The following GALNT7 variants were observed in gnomAD, a reference collection of about 807,000 sequenced individuals.
GALNT7 encodes the protein N-acetylgalactosaminyltransferase 7.
In GALNT7, 60 loss-of-function variants were observed where a neutral mutation model predicts 82.1. That is an observed-to-expected ratio of 0.73 (90% CI 0.59 to 0.91). The LOEUF (loss-of-function observed/expected upper bound fraction) is 0.91. Ranked by LOEUF, GALNT7 falls within the 40% of genes least tolerant of loss-of-function variation. The pLI is 0.00. For missense variants in GALNT7, 660 were observed against 804.2 expected, an observed-to-expected ratio of 0.82 and a Z score of 2.17; for synonymous variants, 243 against 275.1, an observed-to-expected ratio of 0.88 and a Z score of 1.15.
At chr4:173,273,972 A>G (rs939755139) in intron 2 of GALNT7, among the ~76,000 whole-genome samples, 2 of 152,182 alleles carry the variant, frequency 1.3e-5, no homozygotes, top group South Asian at 4.1e-4. Context: ...TTTCAGCTCA[A>G]ATATATTGGT....
intron 1 of GALNT7, among the ~76,000 whole-genome samples, chr4:173,180,326 C>CTTTT (rs10687213): frequency 1.3e-4 from 16 of 123,206 alleles, no homozygotes; most frequent in Admixed American, 2.6e-4. Context: ...ATTGGAGTTC[C>CTTTT]TTTTTTTTTT....
chr4:173,195,513 A>G (rs1170756555), intron 1 of GALNT7, among the ~76,000 whole-genome samples: 1 of 152,218 alleles, frequency 6.6e-6, no homozygotes, highest in African/African-American at 2.4e-5. Flanking sequence ...CTGCAAAGGA[A>G]CAAAGGTGAC....
At chr4:173,227,876 T>A (rs1733888347) in intron 1 of GALNT7, among the ~76,000 whole-genome samples, 1 of 152,206 alleles carries the variant, frequency 6.6e-6, no homozygotes, top group Non-Finnish European at 1.5e-5. Context: ...CAAGTTTGGT[T>A]GTGTTCTCAA....
At chr4:173,306,153 G>A (rs992473856) in intron 8 of GALNT7, among the ~76,000 whole-genome samples, 4 of 151,932 alleles carry the variant, frequency 2.6e-5, no homozygotes, top group African/African-American at 9.7e-5. Context: ...TTGTAAATCG[G>A]ATTGTTTTCT....
At chr4:173,260,252 G>A (rs374752458) in intron 2 of GALNT7, among the ~76,000 whole-genome samples, 2 of 152,100 alleles carry the variant, frequency 1.3e-5, no homozygotes, top group African/African-American at 2.4e-5. Context: ...TTGACTGAAG[G>A]AAAAAAATTT....
chr4:173,204,474 G>A, intron 1 of GALNT7, among the ~76,000 whole-genome samples: 1 of 152,068 alleles, frequency 6.6e-6, no homozygotes, highest in East Asian at 1.9e-4. Flanking sequence ...CTGTTTTGAT[G>A]CTGTCCCATA....
intron 1 of GALNT7, among the ~76,000 whole-genome samples, chr4:173,218,500 A>T (rs1733541326): frequency 6.6e-6 from 1 of 152,110 alleles, no homozygotes; most frequent in Non-Finnish European, 1.5e-5. Flanking sequence ...GCATCCAAGC[A>T]GGGCCACTGA....
rs188056590 is a variant in GALNT7 at position 173,200,765 on chromosome 4, C to G, written c.126+31804C>G. Reference sequence around the variant, plus strand: ...TTTCCATTTTTTGTAGTACAAAGATCCTATCATCCTGAAATCTTACATTGT... The same window carrying G: ...TTTCCATTTTTTGTAGTACAAAGATGCTATCATCCTGAAATCTTACATTGT... On this transcript the variant is annotated intron_variant, in intron 1 of 11. Transcript: ENST00000265000. Among the ~76,000 whole-genome samples the G allele has an allele frequency of 6.6e-5, 10 of 152,286 alleles. No individual in the cohort carries two copies. In the East Asian group the frequency reaches 1.7e-3, roughly 26 times the overall value.
intron 2 of GALNT7, among the ~76,000 whole-genome samples, chr4:173,288,178 G>A (rs970870721): frequency 6.7e-6 from 1 of 150,188 alleles, no homozygotes; most frequent in African/African-American, 2.5e-5. Context: ...AGCTACTCGG[G>A]AGGCTGAGGC....
intron 1 of GALNT7, among the ~76,000 whole-genome samples, chr4:173,175,378 G>A (rs1261852633): frequency 6.6e-6 from 1 of 152,184 alleles, no homozygotes; most frequent in Non-Finnish European, 1.5e-5. Context: ...TGAGACTGTT[G>A]TGGTATAGAG....
intron 2 of GALNT7, among the ~76,000 whole-genome samples, chr4:173,259,367 GGTA>G (rs916234799): frequency 6.6e-6 from 1 of 151,908 alleles, no homozygotes; most frequent in Non-Finnish European, 1.5e-5. Context: ...TATTGTTGGT[GGTA>G]GTACAGTAAT....
At chr4:173,252,792 C>T (rs2126747901) in intron 2 of GALNT7, among the ~76,000 whole-genome samples, 1 of 152,292 alleles carries the variant, frequency 6.6e-6, no homozygotes, top group East Asian at 1.9e-4. Flanking sequence ...CACCATCTAC[C>T]ACTAGGGAGA....
chr4:173,321,596 C>A lies in GALNT7; in HGVS notation c.1853C>A (p.Thr618Asn). The A allele has an allele frequency of 6.2e-7, 1 of 1,611,784 alleles. No individual in the cohort carries two copies. ...WQYFKNLHRF[T>N]HIPSGKCLDR... The stretch of plus-strand genomic sequence containing the variant: ...GTTTTCCAGAACCTGCACAGATTTA[C>A]TCATATTCCTTCAGGAAAGTGTTTA... The change falls in exon 12 of 12, where the codon ACT becomes AAT. Residue 618 changes from threonine (T) to asparagine (N), a missense_variant. Around this residue, in one of 2 missense-constraint regions of GALNT7, gnomAD observed 527 missense variants for 683.5 expected, o/e 0.77. Coordinates refer to ENST00000265000, the MANE Select transcript of GALNT7 (RefSeq NM_017423.3).
intron 8 of GALNT7, among the ~76,000 whole-genome samples, chr4:173,307,818 C>CA (rs1238472071): frequency 6.6e-6 from 1 of 152,188 alleles, no homozygotes; most frequent in South Asian, 2.1e-4. Flanking sequence ...GATCAGGGCT[C>CA]ACTGGGCCAT....
intron 2 of GALNT7, among the ~76,000 whole-genome samples, chr4:173,263,698 A>G (rs1561179796): frequency 6.6e-6 from 1 of 152,212 alleles, no homozygotes; most frequent in South Asian, 2.1e-4. Flanking sequence ...CATGGGAACA[A>G]AACCCAAGGG....
In GALNT7 at chr4:173,216,800, G is replaced by T. The variant is rs182962457; in HGVS notation, c.127-31180G>T. 3.8e-3 allele frequency among the ~76,000 whole-genome samples: 518 copies of T among 136,534 alleles called. 1 individual carries two copies. The highest frequency in any genetic ancestry group is 0.012 in the African/African-American group (437 of 35,638). 89.6% of individuals were successfully genotyped at this position (136,534 alleles called of 152,430 possible). A position where few individuals can be genotyped will look rare whatever the true frequency, so the allele number is the denominator to read the frequency against. ...GGCTGGAGTGCAATGGCGCAATCTC[G>T]GCTCACTGCAACCTCTGCCTCCCAG... is the stretch of plus-strand genomic sequence containing the variant. On this transcript the variant is annotated intron_variant, in intron 1 of 11. Coordinates refer to ENST00000265000, the MANE Select transcript of GALNT7 (RefSeq NM_017423.3).
intron 1 of GALNT7, among the ~76,000 whole-genome samples, chr4:173,235,855 C>T (rs542472882): frequency 1.1e-4 from 16 of 152,238 alleles, no homozygotes; most frequent in African/African-American, 3.4e-4. Context: ...CGCCCGGCCA[C>T]AAGAAAGCCT....
At chr4:173,195,285 C>G (rs1329771612) in intron 1 of GALNT7, among the ~76,000 whole-genome samples, 1 of 152,110 alleles carries the variant, frequency 6.6e-6, no homozygotes, top group Non-Finnish European at 1.5e-5. Flanking sequence ...ACCAAATGAC[C>G]TATAAACGCA....
chr4:173,240,899 G>A (rs954610623), intron 1 of GALNT7, among the ~76,000 whole-genome samples: 4 of 152,082 alleles, frequency 2.6e-5, no homozygotes, highest in Non-Finnish European at 2.9e-5. Flanking sequence ...AGCTCTGTGG[G>A]GGGTTAGAAA....
Sources: allele counts gnomAD v4.1 joint callset (sites outside exome capture counted in the v4.1 genomes callset), GRCh38; gene constraint gnomAD v4.1.1; regional missense constraint gnomAD v4.1.1; transcripts MANE v1.5; gene names NCBI Gene and HGNC (gene_info 2026-07-23, HGNC 2026-07-21).